The following HTT variants were observed in gnomAD, a reference collection of about 807,000 sequenced individuals.
HTT encodes the protein huntington disease protein.
Under a neutral mutation model 362.3 loss-of-function variants are expected in HTT, and 104 were observed. The observed-to-expected ratio is 0.29, with a 90% CI of 0.24 to 0.34. The LOEUF is 0.34. Ranked by LOEUF, HTT falls within the 10% of genes least tolerant of loss-of-function variation. HTT has a pLI of 1.00. For missense variants in HTT, 3,301 were observed against 3,928.6 expected (o/e 0.84, Z 4.27); for synonymous variants, 1,577 against 1,548.7 (o/e 1.02, Z -0.43).
Position 3,229,992 on chromosome 4 carries a change from G to A in HTT, c.8215G>A (p.Ala2739Thr), listed in dbSNP as rs772607321. The A allele has an allele frequency of 5.1e-5, 82 of 1,613,946 alleles. No individual in the cohort carries two copies. Among genetic ancestry groups the A allele is most frequent in the Non-Finnish European group, 6.0e-5 (71 of 1,179,918 alleles). The change falls in exon 60 of 67, where the codon GCT becomes ACT. Residue 2739 changes from alanine (A) to threonine (T), a missense_variant. By Grantham distance (58) the Ala-to-Thr change is moderately conservative. Around this residue, in one of 4 missense-constraint regions of HTT, gnomAD observed 753 missense variants for 1,021.3 expected, o/e 0.74. Coordinates refer to ENST00000355072, the MANE Select transcript of HTT (RefSeq NM_001388492.1). ...GCACCCTTCAGAAGACGAGATCCTC[G>A]CTCAGTACCTGGTGCCTGCCACCTG... ...RVHPSEDEILAQYLVPATCKA... is the reference protein window; with the variant it reads ...RVHPSEDEILTQYLVPATCKA...
intron 44 of HTT, 118 bp downstream of exon 44, chr4:3,207,101 A>T: frequency 8.6e-7 from 1 of 1,159,954 alleles, no homozygotes; most frequent in Non-Finnish European, 1.2e-6. Context: ...CGATAGAAAC[A>T]TGGAAACATC....
chr4:3,220,363 A>G, intron 53 of HTT, 55 bp downstream of exon 53: 1 of 1,571,106 alleles, frequency 6.4e-7, no homozygotes, highest in South Asian at 1.1e-5. Context: ...ACCGGGAGGA[A>G]ATCCAGAGCC....
At chr4:3,079,760 C>T (rs1578480386) in intron 1 of HTT, among the ~76,000 whole-genome samples, 1 of 152,234 alleles carries the variant, frequency 6.6e-6, no homozygotes, top group East Asian at 1.9e-4. Flanking sequence ...CTCTGGCTGA[C>T]AACAGAGTGA....
chr4:3,170,981 G>A (rs1033303493), intron 29 of HTT, among the ~76,000 whole-genome samples: 9 of 152,196 alleles, frequency 5.9e-5, no homozygotes, highest in African/African-American at 1.2e-4. Flanking sequence ...GCCAGAAACA[G>A]CATGCTTTCT....
intron 21 of HTT, among the ~76,000 whole-genome samples, chr4:3,137,281 T>C (rs79530957): frequency 0.095 from 14,407 of 152,312 alleles, 985 homozygotes; most frequent in African/African-American, 0.19. Context: ...TGTACTCACT[T>C]TGAGTGTATA....
At chr4:3,186,747 G>A (rs1361299621) in intron 38 of HTT, 28 bp downstream of exon 38, 1 of 1,585,322 alleles carries the variant, frequency 6.3e-7, no homozygotes, top group Admixed American at 1.7e-5. Flanking sequence ...CTCAGCAGAT[G>A]AATCTGGACG....
chr4:3,166,023 A>G (rs894394389), intron 29 of HTT, among the ~76,000 whole-genome samples: 8 of 152,020 alleles, frequency 5.3e-5, no homozygotes, highest in African/African-American at 1.9e-4. Flanking sequence ...CCTTTCTGCT[A>G]TGGTTTCTCC....
intron 3 of HTT, among the ~76,000 whole-genome samples, chr4:3,102,909 A>T (rs967786871): frequency 6.6e-6 from 1 of 152,058 alleles, no homozygotes; most frequent in African/African-American, 2.4e-5. Context: ...GGGTTGAGAG[A>T]TGTGCTGTGA....
intron 63 of HTT, among the ~76,000 whole-genome samples, 161 bp downstream of exon 63, chr4:3,235,939 C>G (rs1191923966): frequency 1.3e-5 from 2 of 152,228 alleles, no homozygotes; most frequent in Non-Finnish European, 2.9e-5. Context: ...TCTGGAGCCC[C>G]CAGGGCTGGA....
At position 3,217,910 on chromosome 4, in the gene HTT, C is replaced by A; in HGVS notation, c.7200C>A (p.Ala2400=). 6.8e-6 allele frequency: 11 copies of A among 1,613,466 alleles called. No individual in the cohort carries two copies. Among genetic ancestry groups the A allele is most frequent in the Non-Finnish European group, 9.3e-6 (11 of 1,179,640 alleles). ...TAAGGAACATCATCATCAGCCTGGC[C>A]CGCCTGCCCCTTGTCAACAGCTACA... ...PLLRNIIISL[A]RLPLVNSYTR... Residue 2400 remains alanine, a synonymous_variant, in exon 52 of 67, where the codon GCC becomes GCA. Coordinates refer to ENST00000355072, the MANE Select transcript of HTT (RefSeq NM_001388492.1).
At chr4:3,207,602 C>G (rs2110270696) in intron 45 of HTT, among the ~76,000 whole-genome samples, 1 of 152,176 alleles carries the variant, frequency 6.6e-6, no homozygotes, top group East Asian at 1.9e-4. Context: ...CTCCTGGTGG[C>G]TGTTTGAGAG....
intron 1 of HTT, 96 bp downstream of exon 1, chr4:3,075,184 C>T (rs1377444158): frequency 5.5e-6 from 6 of 1,091,614 alleles, no homozygotes; most frequent in Non-Finnish European, 6.8e-6. Context: ...GCGACACGAA[C>T]CCCCGGCCCC....
At position 3,115,465 on chromosome 4, in the gene HTT, G is replaced by C. The variant is rs1378416243; in HGVS notation, c.889+20G>C. The C allele has an allele frequency of 6.3e-7, 1 of 1,587,148 alleles. No homozygotes were observed. Among genetic ancestry groups the C allele is most frequent in the Non-Finnish European group, 8.6e-7 (1 of 1,156,544 alleles). Reference sequence around the variant, plus strand: ...TCTTAGGTAAGGTGGAGGCATATGAGTGGAAGAGTCTCCAGCATGTACTCA... The same window carrying C: ...TCTTAGGTAAGGTGGAGGCATATGACTGGAAGAGTCTCCAGCATGTACTCA... On this transcript the variant is annotated intron_variant, in intron 7 of 66. Coordinates refer to ENST00000355072, the MANE Select transcript of HTT (RefSeq NM_001388492.1).
Position 3,187,682 on chromosome 4 carries a change from C to G in HTT, c.5021C>G (p.Ser1674Trp). ...ASVSTVQLWI[S>W]GILAILRVLI... ...GTGAGCACTGTTCAACTGTGGATAT[C>G]GGGAATTCTGGCCATTTTGAGGGTT... The change falls in exon 39 of 67, where the codon TCG becomes TGG. Residue 1674 changes from serine (S) to tryptophan (W), a missense_variant. Ser to Trp is a radical substitution (Grantham distance 177, BLOSUM62 -3). This residue lies in a region of HTT where 2,316 missense variants were observed against 2,658.5 expected (regional missense o/e 0.87). Coordinates refer to ENST00000355072, the MANE Select transcript of HTT (RefSeq NM_001388492.1). The G allele has an allele frequency of 6.2e-7, 1 of 1,613,990 alleles. No individual in the cohort carries two copies. The highest frequency in any genetic ancestry group is 8.5e-7 in the Non-Finnish European group (1 of 1,179,906).
intron 40 of HTT, among the ~76,000 whole-genome samples, chr4:3,195,827 A>G (rs1046063843): frequency 8.5e-5 from 13 of 152,142 alleles, no homozygotes; most frequent in Admixed American, 2.6e-4. Context: ...AGGCCTTCAC[A>G]TCCTCTGTGT....
At chr4:3,166,469 T>C (rs1251296542) in intron 29 of HTT, among the ~76,000 whole-genome samples, 2 of 152,202 alleles carry the variant, frequency 1.3e-5, no homozygotes, top group East Asian at 1.9e-4. Context: ...GGCACGTATG[T>C]TTAAATCTGG....
chr4:3,143,929 T>G (rs1297084485), intron 23 of HTT, among the ~76,000 whole-genome samples: 1 of 152,098 alleles, frequency 6.6e-6, no homozygotes, highest in Non-Finnish European at 1.5e-5. Context: ...AGAATTTATG[T>G]TGCTGACATT....
At position 3,222,979 on chromosome 4, in the gene HTT, C is replaced by A. The variant is rs903141101; in HGVS notation, c.7471-427C>A. Among the ~76,000 whole-genome samples the A allele has an allele frequency of 2.0e-5, 3 of 152,052 alleles. No homozygotes were observed. In the South Asian group the frequency reaches 6.2e-4, roughly 32 times the overall value. On this transcript the variant is annotated intron_variant, in intron 54 of 66. Transcript: ENST00000355072. ...GAATGGGAAGTTGTGGAATGCAGGC[C>A]CTTGATTCTGATAGAAGGTGTGGTT...
chr4:3,206,927 A>G lies in HTT; in HGVS notation c.6019A>G (p.Met2007Val), dbSNP rs770148024. Residue 2007 changes from methionine to valine, a missense_variant, in exon 44 of 67, where the codon ATG becomes GTG. Transcript: ENST00000355072. This position sits in a 1 kb window ranked among gnomAD's most constrained non-coding sequence, Gnocchi z 4.6. ...LCTPFRVLAR[M>V]VDILACRRVE... ...CACCCCTTTCCGTGTGCTGGCTCGC[A>G]TGGTCGACATCCTTGCTTGTCGCCG... 3.7e-6 allele frequency: 6 copies of G among 1,614,100 alleles called. No homozygotes were observed. The highest frequency in any genetic ancestry group is 5.1e-6 in the Non-Finnish European group (6 of 1,180,016).
Sources: allele counts gnomAD v4.1 joint callset (sites outside exome capture counted in the v4.1 genomes callset), GRCh38; gene constraint gnomAD v4.1.1; regional missense constraint gnomAD v4.1.1; non-coding constraint Gnocchi (gnomAD v3.1); transcripts MANE v1.5; gene names NCBI Gene and HGNC (gene_info 2026-07-23, HGNC 2026-07-21).